ADAR: variants seen among roughly 807,000 people sequenced by gnomAD.
ADAR encodes the protein adenosine deaminase RNA specific, also known as double-stranded RNA-specific adenosine deaminase.
A neutral mutation model predicts 113.2 loss-of-function variants in ADAR; 41 were observed. The observed-to-expected ratio is 0.36, with a 90% CI of 0.28 to 0.47. ADAR has a LOEUF of 0.47. ADAR is among the 20% of genes least tolerant of loss of function. ADAR has a pLI of 1.00. For synonymous variants in ADAR, 605 were observed against 572.6 expected (o/e 1.06, Z -0.81); for missense variants, 1,242 against 1,540.9 (o/e 0.81, Z 3.25).
At chr1:154,627,880 G>C (rs1298351654) in exon 1 of ADAR, 3 of 518,184 alleles carry the variant, frequency 5.8e-6, no homozygotes, top group African/African-American at 1.9e-5. Flanking sequence ...CTCGGGACAC[G>C]GCCGGACACC....
chr1:154,584,790 C>T lies in ADAR; in HGVS notation c.*16G>A. On this transcript the variant is annotated 3_prime_UTR_variant, in exon 15 of 15. Coordinates refer to ENST00000368474, the MANE Select transcript of ADAR (RefSeq NM_001111.5). Reference sequence around the variant, plus strand: ...CCTAGTATGACACACCCTAATCCATCTGTCACTGGAGCATACTATACTGGG... The same window carrying T: ...CCTAGTATGACACACCCTAATCCATTTGTCACTGGAGCATACTATACTGGG... 1 of 1,595,466 alleles carries T rather than the reference C, an allele frequency of 6.3e-7. No homozygotes were observed.
At chr1:154,588,403 G>A (rs1696906057) in intron 10 of ADAR, 145 bp from the exon 11 acceptor site, 1 of 1,480,048 alleles carries the variant, frequency 6.8e-7, no homozygotes, top group Admixed American at 1.7e-5. Context: ...GTACATGTGA[G>A]TCATCTACAC....
chr1:154,588,425 C>T, intron 10 of ADAR, 126 bp downstream of exon 10: 1 of 1,511,058 alleles, frequency 6.6e-7, no homozygotes, highest in Admixed American at 1.7e-5. Context: ...TGAATATGGA[C>T]CTCAAACCCA....
At chr1:154,587,074 A>G (rs1289040267) in intron 11 of ADAR, among the ~76,000 whole-genome samples, 2 of 152,240 alleles carry the variant, frequency 1.3e-5, no homozygotes, top group African/African-American at 4.8e-5. Context: ...CTGTCACCAC[A>G]GTCAATTTTA....
chr1:154,585,906 C>G (rs764972124), intron 12 of ADAR, 41 bp from the exon 13 acceptor site: 1 of 1,549,336 alleles, frequency 6.5e-7, no homozygotes, highest in Non-Finnish European at 8.9e-7. Flanking sequence ...TGTGTTTGCA[C>G]CAAATGCTGT....
chr1:154,614,504 G>T (rs1487475203), intron 1 of ADAR, among the ~76,000 whole-genome samples: 1 of 152,254 alleles, frequency 6.6e-6, no homozygotes, highest in East Asian at 1.9e-4. Flanking sequence ...AGCAGGAGGG[G>T]ACAGTCACAG....
Position 154,597,898 on chromosome 1 carries a change from A to G in ADAR, c.1864T>C (p.Cys622Arg). Residue 622 changes from cysteine (C) to arginine (R), a missense_variant, in exon 4 of 15, where the codon TGT becomes CGT. By Grantham distance (180) the Cys-to-Arg change is radical (BLOSUM62 -3). Around this residue, in one of 2 missense-constraint regions of ADAR, gnomAD observed 780 missense variants for 1,057.9 expected, o/e 0.74. Coordinates refer to ENST00000368474, the MANE Select transcript of ADAR (RefSeq NM_001111.5). The stretch of plus-strand genomic sequence containing the variant: ...CAGGAGTTCCCCAATTTGTGCATAC[A>G]CTCAAGCAGTGTGGTGACGGGGCTC... The part of the protein sequence containing the change: ...GKSPVTTLLE[C>R]MHKLGNSCEF... The G allele has an allele frequency of 1.2e-6, 2 of 1,614,180 alleles. No individual in the cohort carries two copies. Among genetic ancestry groups the G allele is most frequent in the African/African-American group, 1.3e-5 (1 of 75,042 alleles).
chr1:154,597,104 G>C lies in ADAR; in HGVS notation c.2079+19C>G, dbSNP rs754677757. 6 of 1,614,196 alleles carry C rather than the reference G, an allele frequency of 3.7e-6. No homozygotes were observed. Among genetic ancestry groups the C allele is most frequent in the Non-Finnish European group, 3.4e-6 (4 of 1,180,040 alleles). ...TTGCTAAAAATGACCTGTATCTTTT[G>C]AGTAGGAAAACGCCCTACCTGGTTA... On this transcript the variant is annotated intron_variant, in intron 5 of 14. Coordinates refer to ENST00000368474, the MANE Select transcript of ADAR (RefSeq NM_001111.5).
At position 154,606,942 on chromosome 1, in the gene ADAR, A is replaced by AT. The variant is rs1339578214; in HGVS notation, c.15+1049_15+1050insA. ...TCCTTTCAAAGGAGTGCTTAAAAAAAAAAAAATATATATATATCTTAACAA... is the reference window on the plus strand; with the variant it reads ...TCCTTTCAAAGGAGTGCTTAAAAAAATAAAAAATATATATATATCTTAACAA... On this transcript the variant is annotated intron_variant, in intron 1 of 14. Transcript: ENST00000368474. Among the ~76,000 whole-genome samples, 211 of 52,416 alleles carry AT rather than the reference A, an allele frequency of 4.0e-3. 1 individual carries two copies. Among genetic ancestry groups the AT allele is most frequent in the South Asian group, 0.02 (27 of 1,348 alleles). The allele number at this position is 52,416 out of a possible 152,430, so 34.4% of individuals were successfully genotyped here. A position where few individuals can be genotyped will look rare whatever the true frequency, so the allele number is the denominator to read the frequency against.
chr1:154,598,765 T>G (rs1025287215), intron 2 of ADAR, among the ~76,000 whole-genome samples, 180 bp from the exon 3 acceptor site: 1 of 152,156 alleles, frequency 6.6e-6, no homozygotes, highest in African/African-American at 2.4e-5. Flanking sequence ...TTTCTTTTTG[T>G]AAACAAAGCA....
intron 6 of ADAR, among the ~76,000 whole-genome samples, chr1:154,591,611 G>C (rs1321806953): frequency 6.6e-6 from 1 of 152,230 alleles, no homozygotes; most frequent in African/African-American, 2.4e-5. Context: ...AAAACAGCTT[G>C]GAAATGTACC....
At chr1:154,594,043 A>G (rs1403199432) in intron 6 of ADAR, among the ~76,000 whole-genome samples, 1 of 152,050 alleles carries the variant, frequency 6.6e-6, no homozygotes, top group African/African-American at 2.4e-5. Context: ...CACCATGCTC[A>G]GCTATTTTTT....
At chr1:154,626,904 G>C (rs950066933) in intron 1 of ADAR, among the ~76,000 whole-genome samples, 3 of 152,214 alleles carry the variant, frequency 2.0e-5, no homozygotes, top group African/African-American at 7.2e-5. Context: ...ATGGGAACAA[G>C]GCTTCTCTGG....
intron 6 of ADAR, among the ~76,000 whole-genome samples, chr1:154,592,241 A>C (rs1697195527): frequency 6.6e-6 from 1 of 151,980 alleles, no homozygotes; most frequent in Non-Finnish European, 1.5e-5. Context: ...CATCATCCTT[A>C]AAGTCTCAGC....
chr1:154,585,109 A>C, intron 14 of ADAR, 66 bp from the exon 15 acceptor site: 1 of 1,611,792 alleles, frequency 6.2e-7, no homozygotes, highest in Non-Finnish European at 8.5e-7. Flanking sequence ...CAGTGGAGAC[A>C]CCGTGGGAGG....
chr1:154,598,424 G>GA lies in ADAR; in HGVS notation c.1762dup (p.Ser588PhefsTer34). 1 of 1,614,172 alleles carries GA rather than the reference G, an allele frequency of 6.2e-7. No homozygotes were observed. Among genetic ancestry groups the GA allele is most frequent in the Non-Finnish European group, 8.5e-7 (1 of 1,180,026 alleles). On this transcript the variant is annotated frameshift_variant, in exon 3 of 15. Coordinates refer to ENST00000368474, the MANE Select transcript of ADAR (RefSeq NM_001111.5). LOFTEE classifies it high-confidence loss of function. ...TACCTTCTCTGATTCTTTCTCTGTG[G>GA]AATAGTGGGATGATTCTTCTGATTT... is the stretch of plus-strand genomic sequence containing the variant.
upstream of ADAR, among the ~76,000 whole-genome samples, chr1:154,611,655 G>A (rs1042773494): frequency 2.0e-5 from 3 of 152,168 alleles, no homozygotes; most frequent in African/African-American, 7.2e-5. Context: ...ACTTCCCCGT[G>A]CGTAACGGCA....
At chr1:154,607,964 G>T in intron 1 of ADAR, 28 bp downstream of exon 1, 9 of 1,611,620 alleles carry the variant, frequency 5.6e-6, no homozygotes, top group Non-Finnish European at 7.6e-6. Flanking sequence ...CCAGACGGCG[G>T]CGAAGGTCCA....
intron 1 of ADAR, among the ~76,000 whole-genome samples, chr1:154,603,432 CA>C (rs1254171313): frequency 6.6e-6 from 1 of 152,158 alleles, no homozygotes; most frequent in East Asian, 1.9e-4. Context: ...GACTTTTGCC[CA>C]AACCACCCAG....
Sources: gnomAD v4.1 joint callset for allele counts (sites outside exome capture counted in the v4.1 genomes callset) on GRCh38, gnomAD v4.1.1 for gene constraint, gnomAD v4.1.1 regional missense constraint, MANE v1.5 for transcripts, NCBI Gene and HGNC (gene_info 2026-07-23, HGNC 2026-07-21) for gene names.